ZNF503: variants seen among roughly 807,000 people sequenced by gnomAD.
ZNF503 encodes NocA-like zinc finger 2.
Under a neutral mutation model 34.4 loss-of-function variants are expected in ZNF503, and 15 were observed. The observed-to-expected ratio is 0.44, with a 90% CI of 0.29 to 0.67. ZNF503 has a LOEUF of 0.67. Among genes scored for constraint, ZNF503 ranks in the 30% least tolerant of loss-of-function variants. The probability of loss-of-function intolerance (pLI) is 0.13; values close to 1 mark genes in which losing one functional copy is unlikely to be tolerated. For synonymous variants in ZNF503, 580 were observed against 456.8 expected (o/e 1.27, Z -3.44); for missense variants, 1,007 against 926.8 (o/e 1.09, Z -1.12).
the ZNF503 span, among the ~76,000 whole-genome samples, chr10:75,282,539 G>A: frequency 6.6e-6 from 1 of 152,228 alleles, no homozygotes; most frequent in African/African-American, 2.4e-5. Flanking sequence ...TGTGGGACAA[G>A]TAACCTGCAC....
chr10:75,345,777 G>A, the ZNF503 span, among the ~76,000 whole-genome samples: 89 of 152,266 alleles, frequency 5.8e-4, no homozygotes, highest in African/African-American at 2.1e-3. Flanking sequence ...GGGGGCTGGC[G>A]CCAGCTCAGC....
the ZNF503 span, among the ~76,000 whole-genome samples, chr10:75,306,713 C>T: frequency 4.4e-3 from 667 of 152,250 alleles, 1 homozygote; most frequent in Middle Eastern, 0.01. Context: ...GTGCTCACTT[C>T]GTGTCTCTGT....
chr10:75,326,968 G>T, the ZNF503 span, among the ~76,000 whole-genome samples: 1 of 152,126 alleles, frequency 6.6e-6, no homozygotes, highest in Non-Finnish European at 1.5e-5. Flanking sequence ...ACAGGCATGA[G>T]CCACCACACT....
chr10:75,295,602 CT>C, the ZNF503 span: 1 of 152,230 alleles, frequency 6.6e-6, no homozygotes, highest in Non-Finnish European at 1.5e-5. This position sits in a 1 kb window ranked among gnomAD's most constrained non-coding sequence, Gnocchi z 4.0. Context: ...AACCCCACTC[CT>C]TAGACCTAAT....
At chr10:75,373,062 C>A in the ZNF503 span, among the ~76,000 whole-genome samples, 1 of 152,242 alleles carries the variant, frequency 6.6e-6, no homozygotes, top group Non-Finnish European at 1.5e-5. Flanking sequence ...CTGGGAAAAA[C>A]GAACCTCTTC....
the ZNF503 span, among the ~76,000 whole-genome samples, chr10:75,326,027 G>A: frequency 6.6e-6 from 1 of 152,098 alleles, no homozygotes; most frequent in Non-Finnish European, 1.5e-5. Context: ...CCTGACTGCA[G>A]TATTGCTTTT....
the ZNF503 span, among the ~76,000 whole-genome samples, chr10:75,386,403 T>A: frequency 1.6e-4 from 24 of 152,322 alleles, no homozygotes; most frequent in East Asian, 4.6e-3. Context: ...TAGGTCCCTG[T>A]ATTTGTTTTA....
At chr10:75,395,418 C>T (rs1014843007), downstream of ZNF503, among the ~76,000 whole-genome samples, 1 of 152,214 alleles carries the variant, frequency 6.6e-6, no homozygotes, top group African/African-American at 2.4e-5. This position sits in a 1 kb window ranked among gnomAD's most constrained non-coding sequence, Gnocchi z 4.4. Flanking sequence ...TCGGGATGCC[C>T]ATCCAGCCGG....
the ZNF503 span, among the ~76,000 whole-genome samples, chr10:75,307,189 C>G: frequency 6.6e-6 from 1 of 152,148 alleles, no homozygotes; most frequent in African/African-American, 2.4e-5. Flanking sequence ...TAGTTAGCCA[C>G]GCTGTAAATA....
the ZNF503 span, among the ~76,000 whole-genome samples, chr10:75,387,472 T>C: frequency 6.6e-6 from 1 of 152,230 alleles, no homozygotes. Context: ...AAAAAGATAA[T>C]GTAGAGAAAG....
chr10:75,285,886 T>A, the ZNF503 span, among the ~76,000 whole-genome samples: 1 of 152,174 alleles, frequency 6.6e-6, no homozygotes, highest in African/African-American at 2.4e-5. Context: ...AGAATCATGT[T>A]CTAGACCTGG....
At chr10:75,301,300 G>A in the ZNF503 span, among the ~76,000 whole-genome samples, 1 of 152,076 alleles carries the variant, frequency 6.6e-6, no homozygotes, top group Non-Finnish European at 1.5e-5. Flanking sequence ...GAGTGCAGTG[G>A]TGTGATCTTG....
At chr10:75,385,130 C>T in the ZNF503 span, among the ~76,000 whole-genome samples, 3 of 152,148 alleles carry the variant, frequency 2.0e-5, no homozygotes, top group African/African-American at 7.2e-5. Context: ...AGGTGGCCAT[C>T]TTAGGGACCC....
At chr10:75,354,322 G>A in the ZNF503 span, among the ~76,000 whole-genome samples, 6 of 152,178 alleles carry the variant, frequency 3.9e-5, no homozygotes, top group Admixed American at 2.6e-4. Context: ...GCCAATAAAC[G>A]TGAAAATTTA....
chr10:75,307,882 C>T, the ZNF503 span, among the ~76,000 whole-genome samples: 2 of 152,114 alleles, frequency 1.3e-5, no homozygotes, highest in Non-Finnish European at 2.9e-5. Context: ...AGTTCAAGAC[C>T]AGCCTGGGAA....
chr10:75,338,577 G>A, the ZNF503 span, among the ~76,000 whole-genome samples: 1 of 152,178 alleles, frequency 6.6e-6, no homozygotes, highest in Non-Finnish European at 1.5e-5. Context: ...GGGGAGCTGG[G>A]CCTTGTTTCC....
chr10:75,395,570 G>C (rs542479386), downstream of ZNF503, among the ~76,000 whole-genome samples: 2 of 152,270 alleles, frequency 1.3e-5, no homozygotes, highest in South Asian at 4.1e-4. This position sits in a 1 kb window ranked among gnomAD's most constrained non-coding sequence, Gnocchi z 4.4. Context: ...TCGGGAAAAA[G>C]CTGGAGAGAG....
chr10:75,303,889 A>G, the ZNF503 span, among the ~76,000 whole-genome samples: 1 of 143,128 alleles, frequency 7.0e-6, no homozygotes, highest in Non-Finnish European at 1.5e-5. Context: ...GCTGGAGTGC[A>G]GTGGTACAAT....
the ZNF503 span, among the ~76,000 whole-genome samples, chr10:75,330,694 T>C: frequency 6.6e-6 from 1 of 152,168 alleles, no homozygotes; most frequent in South Asian, 2.1e-4. Flanking sequence ...TCAGTTGTAA[T>C]ACCTTTTTGA....
Sources: gnomAD v4.1 joint callset for allele counts (sites outside exome capture counted in the v4.1 genomes callset) on GRCh38, gnomAD v4.1.1 for gene constraint, Gnocchi (gnomAD v3.1) non-coding constraint, MANE v1.5 for transcripts, NCBI Gene and HGNC (gene_info 2026-07-23, HGNC 2026-07-21) for gene names.